Variants in MCUR1 observed in about 807,000 individuals in gnomAD.
The protein encoded by MCUR1 is MCU regulator 1.
In MCUR1, 37 loss-of-function variants were observed where a neutral mutation model predicts 42.0. The ratio of observed to expected loss-of-function variants is 0.88; its 90% CI spans 0.68 to 1.16. MCUR1 has a LOEUF of 1.16. Ranked by LOEUF, MCUR1 falls within the 50% of genes most tolerant of loss-of-function variation. MCUR1 has a pLI of 0.00. For synonymous variants in MCUR1, 229 were observed against 196.2 expected, an observed-to-expected ratio of 1.17 and a Z score of -1.40; for missense variants, 469 against 468.4, an observed-to-expected ratio of 1.00 and a Z score of -0.01.
intron 7 of MCUR1, among the ~76,000 whole-genome samples, chr6:13,793,137 A>G (rs1160485538): frequency 6.6e-6 from 1 of 151,484 alleles, no homozygotes; most frequent in African/African-American, 2.4e-5. Flanking sequence ...AAAAAAAAAA[A>G]AAAAAAAAAG....
intron 1 of MCUR1, among the ~76,000 whole-genome samples, chr6:13,812,496 G>C (rs1760259610): frequency 6.6e-6 from 1 of 152,140 alleles, no homozygotes; most frequent in Non-Finnish European, 1.5e-5. Context: ...TGCATTGAGA[G>C]AAAAACAAAT....
chr6:13,805,460 G>A (rs1224745388), intron 2 of MCUR1, among the ~76,000 whole-genome samples: 1 of 152,102 alleles, frequency 6.6e-6, no homozygotes, highest in African/African-American at 2.4e-5. Flanking sequence ...GTATTATCTT[G>A]TTTAATATTC....
intron 1 of MCUR1, among the ~76,000 whole-genome samples, chr6:13,811,233 C>T (rs761129182): frequency 2.0e-5 from 3 of 152,180 alleles, no homozygotes; most frequent in African/African-American, 7.2e-5. Context: ...TACATTATTT[C>T]CTCATCTGTA....
chr6:13,803,874 T>C, intron 2 of MCUR1: 1 of 985,082 alleles, frequency 1.0e-6, no homozygotes, highest in African/African-American at 1.7e-5. Context: ...GGCTCACGCC[T>C]GTAATCCTAA....
In MCUR1 at chr6:13,790,596, C is replaced by T. The variant is rs559506152; in HGVS notation, c.*213G>A. 77 of 325,596 alleles carry T rather than the reference C, an allele frequency of 2.4e-4. No individual in the cohort carries two copies. The East Asian group carries it at 2.6e-3, about 11-fold the overall frequency. 20.2% of individuals were successfully genotyped at this position (325,596 alleles called of 1,614,324 possible). A position where few individuals can be genotyped will look rare whatever the true frequency, so the allele number is the denominator to read the frequency against. On this transcript the variant is annotated 3_prime_UTR_variant, in exon 9 of 9. Transcript: ENST00000379170. ...CCTCCCGAGTAGCTGGGACTACAGG[C>T]GCCCGCCACCACGCCCGCCTAATGT...
At chr6:13,800,034 G>C (rs949059299) in intron 5 of MCUR1, among the ~76,000 whole-genome samples, 3 of 151,680 alleles carry the variant, frequency 2.0e-5, no homozygotes, top group East Asian at 3.9e-4. Context: ...GTTTCACTAT[G>C]TTGGCCAAGC....
chr6:13,809,900 T>C (rs2113480142), intron 1 of MCUR1, among the ~76,000 whole-genome samples: 1 of 150,996 alleles, frequency 6.6e-6, no homozygotes, highest in East Asian at 1.9e-4. Context: ...CAAGATCCTG[T>C]ATCGAAAAAA....
rs1458325038 is a variant in MCUR1 at position 13,787,919 on chromosome 6, TG to T, written c.*2889del. ...CTGTGTCGCCCAGGCAGATCTCGTC[TG>T]GGCCCGAGTCTCGTTGCAGTGGTGT... is the stretch of plus-strand genomic sequence containing the variant. On this transcript the variant is annotated 3_prime_UTR_variant, in exon 9 of 9. Transcript: ENST00000379170. 6.6e-6 allele frequency: 1 copy of T among 152,240 alleles called. No individual in the cohort carries two copies. 9.4% of individuals were successfully genotyped at this position (152,240 alleles called of 1,614,324 possible).
chr6:13,801,596 T>A (rs931881798), intron 3 of MCUR1, among the ~76,000 whole-genome samples: 1 of 152,102 alleles, frequency 6.6e-6, no homozygotes. Flanking sequence ...ACACCTGTAA[T>A]CCCAATACCT....
chr6:13,803,642 G>A (rs1760041922), intron 2 of MCUR1: 1 of 614,898 alleles, frequency 1.6e-6, no homozygotes. Context: ...AACCTCCAAA[G>A]ACCTATTCCC....
At chr6:13,809,727 C>CAAA (rs771632728) in intron 1 of MCUR1, among the ~76,000 whole-genome samples, 1 of 119,588 alleles carries the variant, frequency 8.4e-6, no homozygotes. Context: ...GACCTCCTCT[C>CAAA]AAAAAAAAAA....
In MCUR1 at chr6:13,805,419, A is replaced by C. The variant is rs557735383; in HGVS notation, c.535+1506T>G. Among the ~76,000 whole-genome samples the C allele has an allele frequency of 1.8e-4, 28 of 152,362 alleles. No homozygotes were observed. In the South Asian group the frequency reaches 5.8e-3, roughly 32 times the overall value. On this transcript the variant is annotated intron_variant, in intron 2 of 8. Coordinates refer to ENST00000379170, the MANE Select transcript of MCUR1 (RefSeq NM_001031713.4). ...AAAGTTGTGAAAATTATTACACAGC[A>C]TATGACAGTTTTTCCAAAGTTCATT... is the stretch of plus-strand genomic sequence containing the variant.
chr6:13,793,163 ACTTTCATTAAGAAAGTTTAAAT>A lies in MCUR1; in HGVS notation c.909+709_909+730del, dbSNP rs372954745. Among the ~76,000 whole-genome samples the A allele has an allele frequency of 7.6e-3, 1,154 of 151,664 alleles. 19 individuals are homozygous for A. Among genetic ancestry groups the A allele is most frequent in the African/African-American group, 0.027 (1,103 of 41,326 alleles). On this transcript the variant is annotated intron_variant, in intron 7 of 8. Coordinates refer to ENST00000379170, the MANE Select transcript of MCUR1 (RefSeq NM_001031713.4). ...AAAAAAAAAGAAAGAAGAAAAGGAA[ACTTTCATTAAGAAAGTTTAAAT>A]CTTTCATAGGATAACTATCTTCCAT... is the stretch of plus-strand genomic sequence containing the variant.
rs3757253 is a variant in MCUR1 at position 13,790,531 on chromosome 6, C to T, written c.*278G>A. 0.27 allele frequency: 49,442 copies of T among 186,048 alleles called. 8,053 individuals are homozygous for T. Among genetic ancestry groups the T allele is most frequent in the Non-Finnish European group, 0.35 (31,400 of 90,892 alleles). 11.5% of individuals were successfully genotyped at this position (186,048 alleles called of 1,614,324 possible). On this transcript the variant is annotated 3_prime_UTR_variant, in exon 9 of 9. Transcript: ENST00000379170. ...AGGCTGGAGTGCAGTGACGTGATCT[C>T]GGCTCACTACAAGCTCCGCCTCCCA... is the stretch of plus-strand genomic sequence containing the variant.
At chr6:13,796,214 T>C (rs1759850574) in intron 6 of MCUR1, among the ~76,000 whole-genome samples, 1 of 152,160 alleles carries the variant, frequency 6.6e-6, no homozygotes, top group African/African-American at 2.4e-5. Context: ...GAACACTGAA[T>C]GAATCCACTC....
chr6:13,813,198 C>T (rs1449589243), intron 1 of MCUR1, among the ~76,000 whole-genome samples: 1 of 152,158 alleles, frequency 6.6e-6, no homozygotes, highest in Non-Finnish European at 1.5e-5. Context: ...CTACAATATT[C>T]ACACAAGGAA....
intron 1 of MCUR1, among the ~76,000 whole-genome samples, chr6:13,809,403 A>G (rs917914037): frequency 2.0e-5 from 3 of 152,024 alleles, no homozygotes; most frequent in African/African-American, 7.2e-5. Flanking sequence ...CTTTTCTTGT[A>G]ATGTCTTTGC....
chr6:13,796,404 C>CA (rs1759857118), intron 6 of MCUR1, among the ~76,000 whole-genome samples: 1 of 151,568 alleles, frequency 6.6e-6, no homozygotes, highest in Non-Finnish European at 1.5e-5. Flanking sequence ...TCTTCTGCCT[C>CA]AGTCTCCCGA....
chr6:13,814,002 G>T lies in MCUR1; in HGVS notation c.415+13C>A. Reference sequence around the variant, plus strand: ...CGAGACGAGCCCCCTCTCCTCTCCCGCCCGGGCCTCACCTCTCCTGCAGGA... The same window carrying T: ...CGAGACGAGCCCCCTCTCCTCTCCCTCCCGGGCCTCACCTCTCCTGCAGGA... On this transcript the variant is annotated intron_variant, in intron 1 of 8. Transcript: ENST00000379170. The T allele has an allele frequency of 8.1e-7, 1 of 1,231,354 alleles. No homozygotes were observed. Among genetic ancestry groups the T allele is most frequent in the African/African-American group, 1.6e-5 (1 of 64,410 alleles). The allele number at this position is 1,231,354 out of a possible 1,614,324, so 76.3% of individuals were successfully genotyped here.
Sources: allele counts gnomAD v4.1 joint callset (sites outside exome capture counted in the v4.1 genomes callset), GRCh38; gene constraint gnomAD v4.1.1; transcripts MANE v1.5; gene names NCBI Gene and HGNC (gene_info 2026-07-23, HGNC 2026-07-21).